IL1RL1: variants seen among roughly 807,000 people sequenced by gnomAD.
IL1RL1 encodes the protein interleukin 1 receptor like 1, also known as interleukin-1 receptor-like 1.
IL1RL1 carries 32 observed loss-of-function variants against 50.9 expected under a neutral mutation model. The observed-to-expected ratio is 0.63, with a 90% CI of 0.47 to 0.84. The LOEUF is 0.84. IL1RL1 is among the 40% of genes least tolerant of loss of function. The probability of loss-of-function intolerance (pLI) is 0.00; values close to 1 mark genes in which losing one functional copy is unlikely to be tolerated. For synonymous variants in IL1RL1, 275 were observed against 236.0 expected (o/e 1.17, Z -1.51); for missense variants, 773 against 662.9 (o/e 1.17, Z -1.82).
chr2:102,318,535 C>A (rs1048989145), intron 1 of IL1RL1, among the ~76,000 whole-genome samples: 2 of 152,172 alleles, frequency 1.3e-5, no homozygotes, highest in African/African-American at 4.8e-5. Flanking sequence ...ATTGAGTCAG[C>A]AGGTGGACAT....
chr2:102,343,331 G>T lies in IL1RL1; in HGVS notation c.886G>T (p.Asp296Tyr), dbSNP rs146406137. The stretch of plus-strand genomic sequence containing the variant: ...AAGAATAGCTGACGTGAAGGAAGAG[G>T]ATTTATTGCTGCAGTACGACTGTCT... ...VLRIADVKEEDLLLQYDCLAL... is the reference protein window; with the variant it reads ...VLRIADVKEEYLLLQYDCLAL... Residue 296 changes from aspartate (D) to tyrosine (Y), a missense_variant, in exon 8 of 11, where the codon GAT becomes TAT. By Grantham distance (160) the Asp-to-Tyr change is radical. Transcript: ENST00000233954. The T allele has an allele frequency of 1.1e-5, 18 of 1,614,212 alleles. No homozygotes were observed. Among genetic ancestry groups the T allele is most frequent in the Non-Finnish European group, 1.5e-5 (18 of 1,180,026 alleles).
At chr2:102,320,466 G>A (rs1275183044) in intron 1 of IL1RL1, among the ~76,000 whole-genome samples, 1 of 152,126 alleles carries the variant, frequency 6.6e-6, no homozygotes, top group Non-Finnish European at 1.5e-5. Flanking sequence ...TCTATACAGT[G>A]ACATATCCCA....
At chr2:102,327,097 G>C (rs1677031703) in intron 1 of IL1RL1, among the ~76,000 whole-genome samples, 1 of 152,004 alleles carries the variant, frequency 6.6e-6, no homozygotes, top group African/African-American at 2.4e-5. Context: ...TGACCACATA[G>C]TTGGAAATAA....
intron 1 of IL1RL1, 34 bp from the exon 2 acceptor site, chr2:102,338,082 T>G: frequency 2.4e-6 from 1 of 412,974 alleles, no homozygotes; most frequent in South Asian, 6.9e-5. Flanking sequence ...CTGATAAAAA[T>G]TCTGTTTATG....
chr2:102,334,593 G>GA (rs61116246), intron 1 of IL1RL1, among the ~76,000 whole-genome samples: 33,045 of 151,330 alleles, frequency 0.22, 4,275 homozygotes, highest in East Asian at 0.39. Flanking sequence ...GAAATGAGGG[G>GA]AAAAAAAACA....
chr2:102,339,896 A>T (rs186746063), intron 3 of IL1RL1, among the ~76,000 whole-genome samples: 14 of 152,310 alleles, frequency 9.2e-5, no homozygotes, highest in African/African-American at 3.4e-4. Context: ...TAGGGCTACT[A>T]TGGGGGCTAT....
intron 5 of IL1RL1, chr2:102,341,344 A>G (rs1200296321): frequency 8.1e-7 from 1 of 1,229,780 alleles, no homozygotes; most frequent in Non-Finnish European, 1.0e-6. Flanking sequence ...TTTCAACATC[A>G]TCAATGGCCT....
chr2:102,342,046 CGTGTGTGTGTGTGT>C (rs67962088), intron 5 of IL1RL1, among the ~76,000 whole-genome samples, 163 bp from the exon 6 acceptor site: 112 of 144,112 alleles, frequency 7.8e-4, no homozygotes, highest in South Asian at 1.4e-3. Flanking sequence ...CTTTCTGTTT[CGTGTGTGTGTGTGT>C]GTGTGTGTGT....
In IL1RL1 at chr2:102,340,200, A is replaced by T; in HGVS notation, c.375A>T (p.Ser125=). 1 of 1,606,198 alleles carries T rather than the reference A, an allele frequency of 6.2e-7. No homozygotes were observed. The highest frequency in any genetic ancestry group is 1.1e-5 in the South Asian group (1 of 89,498). ...TGATGTATTCAACAGTATCTGGATC[A>T]GAAAAAAATTCCAAAATTTATTGTC... ...DYLMYSTVSG[S]EKNSKIYCPT... Residue 125 remains serine (S), a synonymous_variant, in exon 4 of 11, where the codon TCA becomes TCT. Coordinates refer to ENST00000233954, the MANE Select transcript of IL1RL1 (RefSeq NM_016232.5).
At chr2:102,325,764 C>G (rs1259778235) in intron 1 of IL1RL1, among the ~76,000 whole-genome samples, 1 of 152,156 alleles carries the variant, frequency 6.6e-6, no homozygotes, top group Non-Finnish European at 1.5e-5. Flanking sequence ...GACGGAAGAT[C>G]AAATGAATGA....
chr2:102,341,072 T>C (rs3732129), intron 5 of IL1RL1: 188,961 of 713,876 alleles, frequency 0.26, 27,052 homozygotes, highest in East Asian at 0.38. Context: ...TTTATTCTTT[T>C]TTTGTGACTT....
In IL1RL1 at chr2:102,351,615, T is replaced by C. The variant is rs4988957; in HGVS notation, c.1365T>C (p.Asn455=). ...IFILTPQITH[N]KEFAYEQEVA... ...TCCTGACCCCTCAGATCACTCACAATAAGGAGTTTGCCTACGAGCAGGAGG... is the reference window on the plus strand; with the variant it reads ...TCCTGACCCCTCAGATCACTCACAACAAGGAGTTTGCCTACGAGCAGGAGG... The change falls in exon 11 of 11, where the codon AAT becomes AAC. Residue 455 remains asparagine, a synonymous_variant. Coordinates refer to ENST00000233954, the MANE Select transcript of IL1RL1 (RefSeq NM_016232.5). 0.38 allele frequency: 607,306 copies of C among 1,613,674 alleles called. 122,805 individuals carry two copies. Among genetic ancestry groups the C allele is most frequent in the African/African-American group, 0.71 (52,995 of 74,928 alleles).
rs1677943657 is a variant in IL1RL1, at chr2:102,351,772, G to A, written c.1522G>A (p.Gly508Arg). 1.2e-6 allele frequency: 2 copies of A among 1,614,088 alleles called. No individual in the cohort carries two copies. Among genetic ancestry groups the A allele is most frequent in the Admixed American group, 1.7e-5 (1 of 60,010 alleles). Residue 508 changes from glycine to arginine, a missense_variant, in exon 11 of 11, where the codon GGG (glycine) becomes AGG (arginine). Transcript: ENST00000233954. ...DSLQHLMKVQ[G>R]TIKWREDHIA... is the part of the protein sequence containing the mutation. ...CCTCCAGCATCTTATGAAAGTACAG[G>A]GGACCATCAAGTGGAGGGAGGACCA... is the stretch of plus-strand genomic sequence containing the variant.
intron 1 of IL1RL1, chr2:102,313,212 G>A (rs1676572779): frequency 6.6e-6 from 1 of 152,136 alleles, no homozygotes. Context: ...TGTTTAGAGG[G>A]TGGTTTCTGA....
At position 102,341,347 on chromosome 2, in the gene IL1RL1, A is replaced by G. The variant is rs925839095; in HGVS notation, c.610+519A>G. 6 of 1,226,980 alleles carry G rather than the reference A, an allele frequency of 4.9e-6. No homozygotes were observed. In the African/African-American group the frequency reaches 8.1e-5, roughly 17 times the overall value. The allele number at this position is 1,226,980 out of a possible 1,614,324, so 76.0% of individuals were successfully genotyped here. A position where few individuals can be genotyped will look rare whatever the true frequency, so the allele number is the denominator to read the frequency against. ...TGTTTGCAATACTTTCAACATCATC[A>G]ATGGCCTTGAGTAAGTCACTTCATT... On this transcript the variant is annotated intron_variant, in intron 5 of 10. Transcript: ENST00000233954.
At chr2:102,312,548 C>T (rs1676549267) in intron 1 of IL1RL1, among the ~76,000 whole-genome samples, 2 of 151,912 alleles carry the variant, frequency 1.3e-5, no homozygotes, top group Admixed American at 6.6e-5. Flanking sequence ...GTAATCTACT[C>T]AGATGGAGAT....
At chr2:102,315,717 C>T (rs776816264) in intron 1 of IL1RL1, among the ~76,000 whole-genome samples, 2 of 152,260 alleles carry the variant, frequency 1.3e-5, no homozygotes, top group South Asian at 2.1e-4. Flanking sequence ...TGCCAGATCA[C>T]GAACGTACAC....
Position 102,340,263 on chromosome 2 carries a change from G to A in IL1RL1, c.438G>A (p.Glu146=). The A allele has an allele frequency of 6.3e-7, 1 of 1,583,710 alleles. No individual in the cohort carries two copies. The highest frequency in any genetic ancestry group is 8.5e-7 in the Non-Finnish European group (1 of 1,172,874). Residue 146 remains glutamate, a synonymous_variant, in exon 4 of 11, where the codon GAG becomes GAA. Transcript: ENST00000233954. The part of the protein sequence containing the change: ...IDLYNWTAPL[E]WFKNCQALQG... ...TCTACAACTGGACAGCACCTCTTGAGTGGTTTAAGGTAAGAAGAAATTTGG... is the reference window on the plus strand; with the variant it reads ...TCTACAACTGGACAGCACCTCTTGAATGGTTTAAGGTAAGAAGAAATTTGG...
chr2:102,350,588 C>T (rs375187333), intron 10 of IL1RL1, among the ~76,000 whole-genome samples: 1 of 152,248 alleles, frequency 6.6e-6, no homozygotes, highest in South Asian at 2.1e-4. Context: ...TGCATTTGCC[C>T]CATCAAAATC....
Sources: allele counts gnomAD v4.1 joint callset (sites outside exome capture counted in the v4.1 genomes callset), GRCh38; gene constraint gnomAD v4.1.1; transcripts MANE v1.5; gene names NCBI Gene and HGNC (gene_info 2026-07-23, HGNC 2026-07-21).